The following NR5A2 variants were observed in gnomAD, a reference collection of about 807,000 sequenced individuals.
NR5A2 encodes nuclear receptor subfamily 5 group A member 2, also known as CYP7A promoter-binding factor.
NR5A2 carries 26 observed loss-of-function variants against 62.7 expected under a neutral mutation model. That is an observed-to-expected ratio of 0.41 (90% CI 0.30 to 0.58). NR5A2 has a LOEUF of 0.58. Ranked by LOEUF, NR5A2 falls within the 20% of genes least tolerant of loss-of-function variation. The probability of loss-of-function intolerance (pLI) is 0.22; values close to 1 mark genes in which losing one functional copy is unlikely to be tolerated. For synonymous variants in NR5A2, 246 were observed against 241.7 expected, an observed-to-expected ratio of 1.02 and a Z score of -0.16; for missense variants, 541 against 669.1, an observed-to-expected ratio of 0.81 and a Z score of 2.11.
intron 5 of NR5A2, among the ~76,000 whole-genome samples, chr1:200,062,233 G>A (rs1302287742): frequency 7.3e-5 from 11 of 151,222 alleles, no homozygotes; most frequent in African/African-American, 2.4e-4. Flanking sequence ...GATTTTGTGT[G>A]TGTGTGTGTG....
chr1:200,127,397 C>G (rs1666751434), intron 7 of NR5A2, among the ~76,000 whole-genome samples: 1 of 152,054 alleles, frequency 6.6e-6, no homozygotes, highest in South Asian at 2.1e-4. Flanking sequence ...ATCCAAAAGG[C>G]CGGGTACAGT....
At chr1:200,120,760 C>T (rs2102310221) in intron 6 of NR5A2, 48 bp from the exon 7 acceptor site, 1 of 1,494,440 alleles carries the variant, frequency 6.7e-7, no homozygotes, top group East Asian at 2.4e-5. Flanking sequence ...AGGTGAAATA[C>T]ATATTGCTGA....
chr1:200,148,222 T>C, intron 7 of NR5A2: 1 of 234,824 alleles, frequency 4.3e-6, no homozygotes, highest in Non-Finnish European at 8.8e-6. Flanking sequence ...CCGCCCCGAC[T>C]CCACAGCGGC....
At chr1:200,091,940 C>T (rs927313853) in intron 5 of NR5A2, among the ~76,000 whole-genome samples, 13 of 152,104 alleles carry the variant, frequency 8.5e-5, no homozygotes, top group Admixed American at 6.6e-5. Flanking sequence ...GTACATGAAC[C>T]ACCAGCATTG....
intron 5 of NR5A2, among the ~76,000 whole-genome samples, chr1:200,102,076 A>G (rs1034775340): frequency 3.3e-4 from 50 of 152,372 alleles, no homozygotes; most frequent in Middle Eastern, 3.4e-3. Context: ...CTGACATTTA[A>G]TAAGTGACAC....
Position 200,039,809 on chromosome 1 carries a change from G to A in NR5A2, c.202+14G>A. ...AAAACATGCAAGGTAAGGAGGCGCC[G>A]CGCGGCGCTCCGGCTCCCGCTGCTT... On this transcript the variant is annotated intron_variant, in intron 2 of 7. Transcript: ENST00000367362. This position sits in a 1 kb window ranked among gnomAD's most constrained non-coding sequence, Gnocchi z 5.1. 2 of 1,590,318 alleles carry A rather than the reference G, an allele frequency of 1.3e-6. No homozygotes were observed. The highest frequency in any genetic ancestry group is 1.7e-6 in the Non-Finnish European group (2 of 1,170,560).
At chr1:200,106,208 C>T (rs370008462) in intron 5 of NR5A2, among the ~76,000 whole-genome samples, 1 of 152,070 alleles carries the variant, frequency 6.6e-6, no homozygotes, top group Non-Finnish European at 1.5e-5. Flanking sequence ...CAGGCACCCG[C>T]CACCATGCCC....
chr1:200,040,614 G>A (rs1483860613), intron 2 of NR5A2, among the ~76,000 whole-genome samples: 2 of 152,240 alleles, frequency 1.3e-5, no homozygotes, highest in Non-Finnish European at 2.9e-5. Flanking sequence ...GGGCCAGGGA[G>A]GGAACAATGC....
intron 7 of NR5A2, among the ~76,000 whole-genome samples, chr1:200,131,351 T>C (rs1298117238): frequency 6.6e-6 from 1 of 152,230 alleles, no homozygotes; most frequent in African/African-American, 2.4e-5. Flanking sequence ...GAAGTGATTA[T>C]CATTTGTTAT....
At chr1:200,028,981 G>A in intron 1 of NR5A2, 1 of 401,058 alleles carries the variant, frequency 2.5e-6, no homozygotes, top group Non-Finnish European at 5.0e-6. Flanking sequence ...TTACGAAAAA[G>A]AAAACATGGG....
rs540390823 is a variant in NR5A2, at chr1:200,069,714, G to A, written c.1110+20896G>A. ...CTGCAGAAATTTAATTTTTCTATTC[G>A]TAAAAGGAATCACATTAAAAACTAC... On this transcript the variant is annotated intron_variant, in intron 5 of 7. Transcript: ENST00000367362. Among the ~76,000 whole-genome samples the A allele has an allele frequency of 2.0e-3, 309 of 152,214 alleles. 1 individual carries two copies. Among genetic ancestry groups the A allele is most frequent in the Non-Finnish European group, 3.8e-3 (259 of 68,002 alleles).
intron 6 of NR5A2, among the ~76,000 whole-genome samples, chr1:200,112,195 T>C (rs1048288651): frequency 3.9e-5 from 6 of 152,204 alleles, no homozygotes; most frequent in African/African-American, 7.2e-5. Context: ...TTTGGCTTTA[T>C]TGGAAATGTA....
intron 4 of NR5A2, among the ~76,000 whole-genome samples, chr1:200,047,553 C>T (rs557039880): frequency 3.3e-5 from 5 of 151,452 alleles, no homozygotes; most frequent in African/African-American, 1.2e-4. Context: ...ACGACTGATA[C>T]TCTTTCTTAG....
intron 6 of NR5A2, among the ~76,000 whole-genome samples, chr1:200,114,175 G>A (rs186744798): frequency 1.1e-5 from 1 of 90,406 alleles, no homozygotes; most frequent in African/African-American, 4.0e-5. Flanking sequence ...AGAGCAAGAC[G>A]CCATCTCAAA....
At chr1:200,082,828 C>T (rs1664355869) in intron 5 of NR5A2, among the ~76,000 whole-genome samples, 2 of 152,096 alleles carry the variant, frequency 1.3e-5, no homozygotes, top group Admixed American at 1.3e-4. Context: ...TGCTGTGCAT[C>T]TACAAAGGTC....
chr1:200,075,548 A>C (rs1412869470), intron 5 of NR5A2, among the ~76,000 whole-genome samples: 8 of 152,288 alleles, frequency 5.3e-5, no homozygotes, highest in Non-Finnish European at 4.4e-5. Flanking sequence ...ATTAAAACTA[A>C]GTGCCACACA....
intron 6 of NR5A2, 128 bp downstream of exon 6, chr1:200,111,449 G>A (rs1665953864): frequency 2.0e-6 from 2 of 1,022,112 alleles, no homozygotes; most frequent in Non-Finnish European, 2.8e-6. Context: ...CAATAATTTA[G>A]AAAAGATGAC....
intron 1 of NR5A2, among the ~76,000 whole-genome samples, chr1:200,037,928 T>C (rs945794250): frequency 6.6e-6 from 1 of 152,186 alleles, no homozygotes; most frequent in Non-Finnish European, 1.5e-5. Flanking sequence ...AAATACCGGA[T>C]TGGGCAGTTT....
Position 200,079,060 on chromosome 1 carries a change from G to A in NR5A2, c.1110+30242G>A, listed in dbSNP as rs116185383. Among the ~76,000 whole-genome samples the A allele has an allele frequency of 7.8e-3, 1,185 of 152,256 alleles. 19 individuals are homozygous for A. The highest frequency in any genetic ancestry group is 0.027 in the African/African-American group (1,117 of 41,536). Reference sequence around the variant, plus strand: ...AGAAAACAGAAATTCTAATCCTCATGTTACAGAAATGGCCCCAATTCTACT... The same window carrying A: ...AGAAAACAGAAATTCTAATCCTCATATTACAGAAATGGCCCCAATTCTACT... On this transcript the variant is annotated intron_variant, in intron 5 of 7. Transcript: ENST00000367362.
Sources: gnomAD v4.1 joint callset for allele counts (sites outside exome capture counted in the v4.1 genomes callset) on GRCh38, gnomAD v4.1.1 for gene constraint, Gnocchi (gnomAD v3.1) non-coding constraint, MANE v1.5 for transcripts, NCBI Gene and HGNC (gene_info 2026-07-23, HGNC 2026-07-21) for gene names.